The following ASTN2 variants were observed in gnomAD, a reference collection of about 807,000 sequenced individuals.
The protein encoded by ASTN2 is astrotactin 2, also known as astrotactin-2.
In ASTN2, 54 loss-of-function variants were observed where a neutral mutation model predicts 139.8. The observed-to-expected ratio is 0.39, with a 90% CI of 0.31 to 0.48. The LOEUF (loss-of-function observed/expected upper bound fraction) is 0.48, where lower values mean the gene tolerates loss of function less well. Among genes scored for constraint, ASTN2 ranks in the 20% least tolerant of loss-of-function variants. The probability of loss-of-function intolerance (pLI) is 0.95; values close to 1 mark genes in which losing one functional copy is unlikely to be tolerated. For missense variants in ASTN2, 1,565 were observed against 1,725.1 expected (o/e 0.91, Z 1.64); for synonymous variants, 756 against 719.5 (o/e 1.05, Z -0.81).
At chr9:116,454,724 T>C (rs1053519007) in intron 20 of ASTN2, among the ~76,000 whole-genome samples, 3 of 152,188 alleles carry the variant, frequency 2.0e-5, no homozygotes, top group African/African-American at 7.2e-5. Flanking sequence ...AAAGGATGAG[T>C]TCATGTCCTT....
At chr9:117,362,301 C>T (rs1340387340) in intron 1 of ASTN2, among the ~76,000 whole-genome samples, 2 of 152,016 alleles carry the variant, frequency 1.3e-5, no homozygotes, top group Non-Finnish European at 2.9e-5. Context: ...TGAGACAGTT[C>T]CCATGCTTGT....
chr9:117,242,002 GTCTTTTT>G (rs1833227235), intron 2 of ASTN2, among the ~76,000 whole-genome samples: 2 of 89,606 alleles, frequency 2.2e-5, no homozygotes, highest in African/African-American at 8.2e-5. Flanking sequence ...TCTTTGGCAA[GTCTTTTT>G]TTTTTTTTTT....
chr9:117,017,579 A>C (rs998669065), intron 6 of ASTN2, among the ~76,000 whole-genome samples: 5 of 152,164 alleles, frequency 3.3e-5, no homozygotes, highest in African/African-American at 7.2e-5. Context: ...TGCATTTCTT[A>C]ATCTGTACCA....
intron 10 of ASTN2, among the ~76,000 whole-genome samples, chr9:116,968,851 A>G (rs531859039): frequency 6.8e-6 from 1 of 147,630 alleles, no homozygotes; most frequent in East Asian, 2.1e-4. Flanking sequence ...GTGAGCTGAG[A>G]TGGCACCACT....
At chr9:117,320,081 A>AAGTGAACT (rs1270734914) in intron 1 of ASTN2, among the ~76,000 whole-genome samples, 18 of 152,192 alleles carry the variant, frequency 1.2e-4, no homozygotes, top group Admixed American at 1.1e-3. Flanking sequence ...TTAAACAAGG[A>AAGTGAACT]AGTGAACTAG....
chr9:116,672,462 T>A (rs1164037649), intron 16 of ASTN2, among the ~76,000 whole-genome samples: 6 of 152,306 alleles, frequency 3.9e-5, no homozygotes, highest in Non-Finnish European at 8.8e-5. Flanking sequence ...CTCTCCTATA[T>A]TCTCTTCCTC....
At position 116,844,058 on chromosome 9, in the gene ASTN2, CT is replaced by C. The variant is rs1255909900; in HGVS notation, c.2040+19524del. ...AATAAAAATAAGATTAATCCAGATA[CT>C]GTCATTTCCTAGCTGTGTGACTTCA... is the stretch of plus-strand genomic sequence containing the variant. On this transcript the variant is annotated intron_variant, in intron 11 of 22. Transcript: ENST00000313400. Among the ~76,000 whole-genome samples, 4 of 152,160 alleles carry C rather than the reference CT, an allele frequency of 2.6e-5. No individual in the cohort carries two copies. In the East Asian group the frequency reaches 7.7e-4, roughly 29 times the overall value.
At chr9:116,465,278 G>A (rs915662092) in intron 20 of ASTN2, among the ~76,000 whole-genome samples, 5 of 152,074 alleles carry the variant, frequency 3.3e-5, no homozygotes, top group Admixed American at 3.3e-4. Flanking sequence ...GCCACCAACC[G>A]GCTCCCTTTG....
chr9:116,439,194 ATTTTT>A (rs1016270368), intron 22 of ASTN2, among the ~76,000 whole-genome samples: 5 of 56,694 alleles, frequency 8.8e-5, no homozygotes, highest in Admixed American at 5.9e-4. Flanking sequence ...ATTCAAATAC[ATTTTT>A]TTTTTTTTTT....
chr9:116,964,216 G>GGGGTGGGT (rs1361325702), intron 10 of ASTN2, among the ~76,000 whole-genome samples: 1 of 140,708 alleles, frequency 7.1e-6, no homozygotes, highest in Non-Finnish European at 1.5e-5. Flanking sequence ...ACTGCCCTGG[G>GGGGTGGGT]GTGTGTGTGT....
At chr9:116,724,782 C>T (rs1828570522) in intron 16 of ASTN2, among the ~76,000 whole-genome samples, 1 of 152,170 alleles carries the variant, frequency 6.6e-6, no homozygotes, top group Admixed American at 6.5e-5. Context: ...CCCTTTCCAT[C>T]AATTGAGAGA....
chr9:116,742,099 G>A (rs754754570), intron 13 of ASTN2, among the ~76,000 whole-genome samples: 11 of 152,228 alleles, frequency 7.2e-5, no homozygotes, highest in Non-Finnish European at 1.6e-4. Context: ...GCACATGTGT[G>A]CAAGGTAAAT....
intron 7 of ASTN2, among the ~76,000 whole-genome samples, chr9:116,995,519 G>C (rs976705720): frequency 6.6e-6 from 1 of 152,206 alleles, no homozygotes; most frequent in Non-Finnish European, 1.5e-5. Context: ...GGAAAAAGCA[G>C]TGGATAATGC....
At chr9:117,322,490 G>A (rs1406228839) in intron 1 of ASTN2, among the ~76,000 whole-genome samples, 1 of 152,192 alleles carries the variant, frequency 6.6e-6, no homozygotes, top group Non-Finnish European at 1.5e-5. Context: ...CCAGAGAGCA[G>A]AGATAACTCA....
intron 1 of ASTN2, among the ~76,000 whole-genome samples, chr9:117,309,617 A>G (rs940962919): frequency 2.0e-5 from 3 of 152,232 alleles, no homozygotes; most frequent in Non-Finnish European, 2.9e-5. Context: ...CTAAGGTTAT[A>G]GGATTAGCAA....
At chr9:117,407,759 T>C (rs966120009) in intron 1 of ASTN2, among the ~76,000 whole-genome samples, 1 of 152,190 alleles carries the variant, frequency 6.6e-6, no homozygotes, top group African/African-American at 2.4e-5. Context: ...TCATTGAGCA[T>C]TGCTGCCTGC....
chr9:117,367,196 G>T lies in ASTN2; in HGVS notation c.442+47301C>A, dbSNP rs140830168. 1.1e-3 allele frequency among the ~76,000 whole-genome samples: 173 copies of T among 152,256 alleles called. 1 individual carries two copies. The highest frequency in any genetic ancestry group is 3.6e-3 in the African/African-American group (151 of 41,550). On this transcript the variant is annotated intron_variant, in intron 1 of 22. Transcript: ENST00000313400. Reference sequence around the variant, plus strand: ...TGTTTTGTGGCAACAATAGTCAACAGAAGTGAACTACAACAAAAACAAGGC... The same window carrying T: ...TGTTTTGTGGCAACAATAGTCAACATAAGTGAACTACAACAAAAACAAGGC...
chr9:116,525,845 T>C (rs1851067205), intron 19 of ASTN2, among the ~76,000 whole-genome samples: 1 of 152,158 alleles, frequency 6.6e-6, no homozygotes, highest in Non-Finnish European at 1.5e-5. Flanking sequence ...CCCTAAATAA[T>C]GCAATCCCAC....
chr9:116,778,980 T>C (rs1265830344), intron 13 of ASTN2, among the ~76,000 whole-genome samples: 3 of 152,222 alleles, frequency 2.0e-5, no homozygotes, highest in Non-Finnish European at 4.4e-5. Context: ...ATGTAATGGC[T>C]AATTACTATT....
Sources: allele counts gnomAD v4.1 joint callset (sites outside exome capture counted in the v4.1 genomes callset), GRCh38; gene constraint gnomAD v4.1.1; transcripts MANE v1.5; gene names NCBI Gene and HGNC (gene_info 2026-07-23, HGNC 2026-07-21).